The following RBFOX1 variants were observed in gnomAD, a reference collection of about 807,000 sequenced individuals.
RBFOX1 encodes the protein RNA binding fox-1 homolog 1.
Under a neutral mutation model 57.7 loss-of-function variants are expected in RBFOX1, and 8 were observed. The ratio of observed to expected loss-of-function variants is 0.14; its 90% CI spans 0.08 to 0.25. The LOEUF (loss-of-function observed/expected upper bound fraction) is 0.25, where lower values mean the gene tolerates loss of function less well. RBFOX1 is among the 10% of genes least tolerant of loss of function. The pLI is 1.00. For synonymous variants in RBFOX1, 326 were observed against 222.4 expected, an observed-to-expected ratio of 1.47 and a Z score of -4.15; for missense variants, 611 against 548.5, an observed-to-expected ratio of 1.11 and a Z score of -1.14.
At chr16:7,705,424 G>C (rs531389497) in intron 14 of RBFOX1, among the ~76,000 whole-genome samples, 1 of 152,114 alleles carries the variant, frequency 6.6e-6, no homozygotes, top group African/African-American at 2.4e-5. Context: ...AGAATGGCAT[G>C]AACTTGAGGG....
chr16:7,095,451 C>G (rs1009072525), intron 4 of RBFOX1, among the ~76,000 whole-genome samples: 5 of 152,122 alleles, frequency 3.3e-5, no homozygotes, highest in African/African-American at 9.7e-5. Flanking sequence ...AATGTTCTTC[C>G]TTAATAGAAC....
intron 4 of RBFOX1, among the ~76,000 whole-genome samples, chr16:7,510,932 A>T (rs779699770): frequency 7.2e-5 from 11 of 152,192 alleles, no homozygotes; most frequent in Non-Finnish European, 1.5e-4. Flanking sequence ...GGTTGAGTTA[A>T]GGCCAGAGGA....
At chr16:6,927,351 T>A (rs1477898695) in intron 3 of RBFOX1, among the ~76,000 whole-genome samples, 2 of 135,354 alleles carry the variant, frequency 1.5e-5, no homozygotes, top group African/African-American at 5.8e-5. Context: ...AGGCAGAGGT[T>A]GCAGTGAGCT....
chr16:7,343,311 C>T (rs895720512), intron 4 of RBFOX1, among the ~76,000 whole-genome samples: 1 of 152,198 alleles, frequency 6.6e-6, no homozygotes, highest in East Asian at 1.9e-4. Context: ...TCCAGATGTT[C>T]CCCCAAAGCT....
chr16:6,204,147 A>T (rs2152835291), intron 1 of RBFOX1, among the ~76,000 whole-genome samples: 1 of 152,232 alleles, frequency 6.6e-6, no homozygotes, highest in Admixed American at 6.5e-5. Flanking sequence ...GATGTTGTTG[A>T]TACTCAACTT....
At chr16:5,681,498 C>T (rs1242273075) in intron 3 of RBFOX1, among the ~76,000 whole-genome samples, 3 of 151,154 alleles carry the variant, frequency 2.0e-5, no homozygotes, top group Non-Finnish European at 2.9e-5. Context: ...AAGTGATTCT[C>T]CTGCCTCAGC....
chr16:5,672,388 C>A (rs1192321257), intron 3 of RBFOX1, among the ~76,000 whole-genome samples: 1 of 152,132 alleles, frequency 6.6e-6, no homozygotes, highest in Admixed American at 6.5e-5. Flanking sequence ...CATTTCTGCA[C>A]CTCTTCAGTG....
intron 1 of RBFOX1, among the ~76,000 whole-genome samples, chr16:5,452,964 C>A (rs2068472958): frequency 1.3e-5 from 2 of 152,290 alleles, no homozygotes; most frequent in South Asian, 4.1e-4. Context: ...AATGTTTCAG[C>A]ATGTCTTCAA....
At chr16:7,434,492 A>G (rs964627476) in intron 4 of RBFOX1, among the ~76,000 whole-genome samples, 22 of 151,658 alleles carry the variant, frequency 1.5e-4, no homozygotes, top group African/African-American at 5.1e-4. Flanking sequence ...ATAAATAAAT[A>G]AAAATAAAAA....
At chr16:7,376,167 A>T (rs1294269689) in intron 4 of RBFOX1, among the ~76,000 whole-genome samples, 2 of 152,206 alleles carry the variant, frequency 1.3e-5, no homozygotes, top group East Asian at 3.8e-4. Context: ...TTTTTGGAAC[A>T]TATATGTTTA....
chr16:5,896,137 A>G (rs987054512), intron 4 of RBFOX1, among the ~76,000 whole-genome samples: 1 of 152,102 alleles, frequency 6.6e-6, no homozygotes. Flanking sequence ...CTGGAATCTG[A>G]TCCTGGATGG....
chr16:7,448,202 AC>A (rs1475766086), intron 4 of RBFOX1, among the ~76,000 whole-genome samples: 1 of 152,202 alleles, frequency 6.6e-6, no homozygotes, highest in Non-Finnish European at 1.5e-5. Flanking sequence ...AATAACAGAA[AC>A]TTATTCTCTT....
chr16:5,994,304 G>T (rs981823003), intron 4 of RBFOX1, among the ~76,000 whole-genome samples: 2 of 152,178 alleles, frequency 1.3e-5, no homozygotes, highest in Non-Finnish European at 2.9e-5. Context: ...TGGGATTATA[G>T]GCATGTGCCA....
intron 2 of RBFOX1, among the ~76,000 whole-genome samples, chr16:6,543,852 A>G (rs1468503412): frequency 6.6e-6 from 1 of 152,208 alleles, no homozygotes; most frequent in East Asian, 1.9e-4. Context: ...CCTGCATGAA[A>G]AAAACCAAAA....
At chr16:7,047,246 G>C (rs1281663874) in intron 3 of RBFOX1, among the ~76,000 whole-genome samples, 8 of 152,024 alleles carry the variant, frequency 5.3e-5, no homozygotes, top group African/African-American at 1.9e-4. Context: ...AGGTCTGTCT[G>C]CAGTGAATTT....
chr16:5,372,612 C>G (rs76812396), intron 1 of RBFOX1, among the ~76,000 whole-genome samples: 2,752 of 152,210 alleles, frequency 0.018, 75 homozygotes, highest in African/African-American at 0.063. Context: ...GGGAGCAGGG[C>G]TCAGGTCTCT....
rs542389620 is a variant in RBFOX1, at chr16:7,194,368, C to T, written c.27+142270C>T. Among the ~76,000 whole-genome samples the T allele has an allele frequency of 3.3e-5, 5 of 152,214 alleles. No individual in the cohort carries two copies. In the East Asian group the frequency reaches 9.7e-4, roughly 29 times the overall value. On this transcript the variant is annotated intron_variant, in intron 4 of 15. Coordinates refer to ENST00000550418, the MANE Select transcript of RBFOX1 (RefSeq NM_018723.4). The stretch of plus-strand genomic sequence containing the variant: ...GTTGCCTTTTAAAAATAATGCATTT[C>T]AATTTAAACAAAGCACATCAATGTA...
At chr16:6,400,582 A>C (rs1236476041) in intron 2 of RBFOX1, among the ~76,000 whole-genome samples, 1 of 152,234 alleles carries the variant, frequency 6.6e-6, no homozygotes, top group Non-Finnish European at 1.5e-5. Context: ...TGGGAATAGT[A>C]AATATAAAAA....
intron 2 of RBFOX1, among the ~76,000 whole-genome samples, chr16:6,422,988 G>T (rs964781838): frequency 6.6e-6 from 1 of 152,202 alleles, no homozygotes; most frequent in African/African-American, 2.4e-5. Context: ...CAAAGGAAAT[G>T]ATTTTCTTTT....
Sources: allele counts gnomAD v4.1 joint callset (sites outside exome capture counted in the v4.1 genomes callset), GRCh38; gene constraint gnomAD v4.1.1; transcripts MANE v1.5; gene names NCBI Gene and HGNC (gene_info 2026-07-23, HGNC 2026-07-21).